ANKS4B: variants seen among roughly 807,000 people sequenced by gnomAD.
ANKS4B encodes the protein ankyrin repeat and SAM domain-containing protein 4B.
Under a neutral mutation model 20.2 loss-of-function variants are expected in ANKS4B, and 21 were observed. The observed-to-expected ratio is 1.04, with a 90% confidence interval of 0.74 to 1.50. The LOEUF (loss-of-function observed/expected upper bound fraction) is 1.50. Ranked by LOEUF, ANKS4B falls within the 40% of genes most tolerant of loss-of-function variation. ANKS4B has a pLI of 0.00. For missense variants in ANKS4B, 473 were observed against 494.6 expected (o/e 0.96, Z 0.41); for synonymous variants, 179 against 194.5 (o/e 0.92, Z 0.66).
chr16:21,234,786 C>T (rs909340436), intron 1 of ANKS4B, among the ~76,000 whole-genome samples: 2 of 152,060 alleles, frequency 1.3e-5, no homozygotes, highest in African/African-American at 4.8e-5. Context: ...CAGCCACAGT[C>T]CCTGTCATAG....
Position 21,249,752 on chromosome 16 carries a change from C to T in ANKS4B, c.186C>T (p.Asp62=). The T allele has an allele frequency of 6.2e-7, 1 of 1,612,828 alleles. No homozygotes were observed. The highest frequency in any genetic ancestry group is 8.5e-7 in the Non-Finnish European group (1 of 1,179,070). ...CTAGAGGGGACCCTGATAGGTGTGA[C>T]ATCTGGGGAAACACTCCTCTACATT... is the stretch of plus-strand genomic sequence containing the variant. The part of the protein sequence containing the change: ...CSRGGDPDRC[D]IWGNTPLHFA... Residue 62 remains aspartate (D), a synonymous_variant, in exon 2 of 2, where the codon GAC becomes GAT. Transcript: ENST00000311620.
At chr16:21,248,559 A>G (rs959998636) in intron 1 of ANKS4B, among the ~76,000 whole-genome samples, 6 of 151,738 alleles carry the variant, frequency 4.0e-5, no homozygotes, top group African/African-American at 1.5e-4. Context: ...GTGAAACTCC[A>G]TCTCTACTAA....
intron 1 of ANKS4B, among the ~76,000 whole-genome samples, chr16:21,235,289 A>G (rs904421204): frequency 6.6e-6 from 1 of 152,214 alleles, no homozygotes. Context: ...GGCTAGACGA[A>G]AGAGTGTTTT....
At chr16:21,247,851 C>G (rs113234310) in intron 1 of ANKS4B, among the ~76,000 whole-genome samples, 56 of 152,148 alleles carry the variant, frequency 3.7e-4, no homozygotes, top group African/African-American at 1.3e-3. Flanking sequence ...GGCCTTAATA[C>G]CATCTAATAG....
chr16:21,246,678 G>A (rs906554238), intron 1 of ANKS4B, among the ~76,000 whole-genome samples: 7 of 152,178 alleles, frequency 4.6e-5, no homozygotes, highest in African/African-American at 1.7e-4. Context: ...AATCTAGGAT[G>A]TATTGTATTG....
intron 1 of ANKS4B, among the ~76,000 whole-genome samples, chr16:21,234,880 C>T (rs1307639565): frequency 6.6e-6 from 1 of 152,058 alleles, no homozygotes; most frequent in Non-Finnish European, 1.5e-5. Flanking sequence ...GACAGGGTCT[C>T]ACTCTGTCAC....
At chr16:21,240,243 A>G (rs2093324875) in intron 1 of ANKS4B, among the ~76,000 whole-genome samples, 1 of 152,090 alleles carries the variant, frequency 6.6e-6, no homozygotes, top group Non-Finnish European at 1.5e-5. Context: ...AAGTGTATGA[A>G]ATTTCTTGGT....
intron 1 of ANKS4B, among the ~76,000 whole-genome samples, chr16:21,241,088 C>T (rs2093325998): frequency 6.6e-6 from 1 of 152,174 alleles, no homozygotes; most frequent in African/African-American, 2.4e-5. Context: ...GTCACTGCAC[C>T]ACGCCAGTTT....
intron 1 of ANKS4B, among the ~76,000 whole-genome samples, chr16:21,241,043 C>T (rs1343647799): frequency 1.3e-5 from 2 of 152,186 alleles, no homozygotes; most frequent in Admixed American, 6.5e-5. Context: ...ATCCACCTGC[C>T]TTGGCCTCCC....
intron 1 of ANKS4B, among the ~76,000 whole-genome samples, chr16:21,249,268 G>A (rs2093335787): frequency 1.3e-5 from 2 of 152,204 alleles, no homozygotes; most frequent in South Asian, 4.1e-4. Flanking sequence ...CAGATGGCTT[G>A]AGGCCAGGAG....
intron 1 of ANKS4B, among the ~76,000 whole-genome samples, chr16:21,247,014 T>C (rs889828219): frequency 9.2e-5 from 14 of 152,108 alleles, no homozygotes; most frequent in African/African-American, 4.8e-5. Flanking sequence ...CTTGCTAAAG[T>C]GTAGATTCTG....
intron 1 of ANKS4B, among the ~76,000 whole-genome samples, chr16:21,248,295 T>C (rs1181051263): frequency 2.7e-5 from 4 of 150,226 alleles, no homozygotes; most frequent in Admixed American, 2.6e-4. Flanking sequence ...AGTGCTGGGA[T>C]TACAGGCACG....
Position 21,235,462 on chromosome 16 carries a change from C to A in ANKS4B, c.164+1561C>A, listed in dbSNP as rs141435305. On this transcript the variant is annotated intron_variant, in intron 1 of 1. Coordinates refer to ENST00000311620, the MANE Select transcript of ANKS4B (RefSeq NM_145865.3). The stretch of plus-strand genomic sequence containing the variant: ...GACTTTATCCTAAGGGCCCAGGAAG[C>A]CATGTCTTGGGTAGGGAAGCTGCCA... Among the ~76,000 whole-genome samples, 41 of 152,194 alleles carry A rather than the reference C, an allele frequency of 2.7e-4. 2 individuals are homozygous for A. The East Asian group carries it at 7.5e-3, about 28-fold the overall frequency.
At chr16:21,236,245 A>T (rs993500656) in intron 1 of ANKS4B, among the ~76,000 whole-genome samples, 1 of 152,178 alleles carries the variant, frequency 6.6e-6, no homozygotes, top group South Asian at 2.1e-4. Context: ...GCTCACTATC[A>T]TGAGGACAGT....
chr16:21,250,011 G>C lies in ANKS4B; in HGVS notation c.445G>C (p.Glu149Gln). ...AQKNARRQIK[E>Q]CERLQEKHQN... ...GAAGAATGCCAGGAGGCAGATCAAA[G>C]AGTGTGAGAGGCTCCAGGAGAAGCA... The change falls in exon 2 of 2, where the codon GAG becomes CAG. Residue 149 changes from glutamate to glutamine, a missense_variant. Glu to Gln is a conservative substitution (Grantham distance 29). Coordinates refer to ENST00000311620, the MANE Select transcript of ANKS4B (RefSeq NM_145865.3). The C allele has an allele frequency of 1.2e-6, 2 of 1,614,220 alleles. No individual in the cohort carries two copies. Among genetic ancestry groups the C allele is most frequent in the Admixed American group, 1.7e-5 (1 of 60,030 alleles).
chr16:21,239,850 CTAAATG>C (rs1386393971), intron 1 of ANKS4B, among the ~76,000 whole-genome samples: 1 of 152,130 alleles, frequency 6.6e-6, no homozygotes, highest in Admixed American at 6.6e-5. Context: ...TAAGTGGGAG[CTAAATG>C]ATGAGAACAT....
In ANKS4B at chr16:21,250,737, C is replaced by G. The variant is rs1479933536; in HGVS notation, c.1171C>G (p.Pro391Ala). 16 of 1,609,530 alleles carry G rather than the reference C, an allele frequency of 9.9e-6. No individual in the cohort carries two copies. Among genetic ancestry groups the G allele is most frequent in the Middle Eastern group, 3.3e-4 (2 of 6,052 alleles). Residue 391 changes from proline (P) to alanine (A), a missense_variant, in exon 2 of 2, where the codon CCC becomes GCC. Physicochemically the swap from Pro to Ala is conservative, Grantham distance 27 (BLOSUM62 -1). Coordinates refer to ENST00000311620, the MANE Select transcript of ANKS4B (RefSeq NM_145865.3). ...DLQSIQMQLG[P>A]RKKVLNAINR... ...TCAGAGCATACAAATGCAGCTGGGTCCCAGGAAGAAAGTTCTGAATGCTAT... is the reference window on the plus strand; with the variant it reads ...TCAGAGCATACAAATGCAGCTGGGTGCCAGGAAGAAAGTTCTGAATGCTAT...
intron 1 of ANKS4B, 108 bp downstream of exon 1, chr16:21,234,009 AT>A: frequency 9.0e-7 from 1 of 1,112,590 alleles, no homozygotes; most frequent in Non-Finnish European, 1.3e-6. Context: ...CTCTTTCTAG[AT>A]TGTCTAAATG....
rs2093341756 is a variant in ANKS4B at position 21,253,244 on chromosome 16, T to C, written c.*2424T>C. 1 of 152,138 alleles carries C rather than the reference T, an allele frequency of 6.6e-6. No homozygotes were observed. The highest frequency in any genetic ancestry group is 2.4e-5 in the African/African-American group (1 of 41,420). The allele number at this position is 152,138 out of a possible 1,614,324, so 9.4% of individuals were successfully genotyped here. On this transcript the variant is annotated 3_prime_UTR_variant, in exon 2 of 2. Transcript: ENST00000311620. ...GCTTTCTGATGCACATCTGTTTGGG[T>C]TACTTCAAGAGGCATCATGGAGGAT...
Sources: gnomAD v4.1 joint callset for allele counts (sites outside exome capture counted in the v4.1 genomes callset) on GRCh38, gnomAD v4.1.1 for gene constraint, MANE v1.5 for transcripts, NCBI Gene and HGNC (gene_info 2026-07-23, HGNC 2026-07-21) for gene names.